GNAI1: variants seen among roughly 807,000 people sequenced by gnomAD.
GNAI1 encodes guanine nucleotide-binding protein G(i) subunit alpha-1.
GNAI1 carries 11 observed loss-of-function variants against 38.9 expected under a neutral mutation model. That is an observed-to-expected ratio of 0.28 (90% confidence interval 0.18 to 0.47). The LOEUF is 0.47. Among genes scored for constraint, GNAI1 ranks in the 20% least tolerant of loss-of-function variants. The pLI is 0.99. For synonymous variants in GNAI1, 166 were observed against 145.1 expected (o/e 1.14, Z -1.04); for missense variants, 317 against 436.9 (o/e 0.73, Z 2.45).
At chr7:80,163,304 C>T (rs1407677993) in intron 1 of GNAI1, among the ~76,000 whole-genome samples, 1 of 152,136 alleles carries the variant, frequency 6.6e-6, no homozygotes. Context: ...ACTACTAGCC[C>T]TTCTGTGGGT....
chr7:80,210,539 C>G (rs775878088), intron 5 of GNAI1, among the ~76,000 whole-genome samples: 1 of 152,118 alleles, frequency 6.6e-6, no homozygotes, highest in African/African-American at 2.4e-5. Flanking sequence ...GGTCTCTGTT[C>G]TCTGCCTTCA....
chr7:80,204,084 C>G (rs1337751653), intron 5 of GNAI1, among the ~76,000 whole-genome samples: 2 of 152,000 alleles, frequency 1.3e-5, no homozygotes, highest in South Asian at 2.1e-4. Context: ...TACAGTGATT[C>G]AAACAAAATA....
chr7:80,161,233 ATTTG>A (rs1051634175), intron 1 of GNAI1, among the ~76,000 whole-genome samples: 2 of 152,108 alleles, frequency 1.3e-5, no homozygotes, highest in Non-Finnish European at 2.9e-5. Flanking sequence ...TTATTACCTT[ATTTG>A]TTTCTCACAA....
At chr7:80,136,750 T>C (rs1787423323) in intron 1 of GNAI1, among the ~76,000 whole-genome samples, 1 of 152,234 alleles carries the variant, frequency 6.6e-6, no homozygotes, top group Non-Finnish European at 1.5e-5. Flanking sequence ...CCTGGTGTGA[T>C]ACGTTGTTTC....
At chr7:80,193,531 A>G (rs1468277542) in intron 3 of GNAI1, among the ~76,000 whole-genome samples, 1 of 152,168 alleles carries the variant, frequency 6.6e-6, no homozygotes, top group Non-Finnish European at 1.5e-5. Flanking sequence ...TAATATATTG[A>G]TAATTTAGGT....
At chr7:80,185,281 C>T (rs563262305) in intron 1 of GNAI1, among the ~76,000 whole-genome samples, 1 of 152,282 alleles carries the variant, frequency 6.6e-6, no homozygotes, top group Admixed American at 6.5e-5. Flanking sequence ...CTGAAAGTCA[C>T]ATAACACTGG....
intron 7 of GNAI1, among the ~76,000 whole-genome samples, chr7:80,214,116 C>T (rs1230155030): frequency 1.3e-5 from 2 of 152,066 alleles, no homozygotes; most frequent in Admixed American, 6.6e-5. Flanking sequence ...TCAGTGGAAC[C>T]AAAAGGGGAG....
At chr7:80,144,119 C>A (rs1787577264) in intron 1 of GNAI1, among the ~76,000 whole-genome samples, 1 of 151,994 alleles carries the variant, frequency 6.6e-6, no homozygotes, top group African/African-American at 2.4e-5. Context: ...GTTAAGAATT[C>A]TATAGAGAAT....
chr7:80,193,864 G>A lies in GNAI1; in HGVS notation c.303+4633G>A, dbSNP rs149907946. 5.9e-5 allele frequency among the ~76,000 whole-genome samples: 9 copies of A among 152,260 alleles called. No homozygotes were observed. In the East Asian group the frequency reaches 1.3e-3, roughly 23 times the overall value. On this transcript the variant is annotated intron_variant, in intron 3 of 7. Coordinates refer to ENST00000649796, the MANE Select transcript of GNAI1 (RefSeq NM_002069.6). ...GCAAATGAAATAAAACACAACACCG[G>A]TTCTTCATCACAGATAGCTTGAGAA...
intron 1 of GNAI1, among the ~76,000 whole-genome samples, chr7:80,167,707 A>G (rs1788035764): frequency 6.6e-6 from 1 of 152,196 alleles, no homozygotes; most frequent in South Asian, 2.1e-4. Flanking sequence ...TTCACTGTAC[A>G]TGCAAACTGC....
At chr7:80,174,730 G>T (rs1012874369) in intron 1 of GNAI1, among the ~76,000 whole-genome samples, 3 of 151,926 alleles carry the variant, frequency 2.0e-5, no homozygotes, top group African/African-American at 7.3e-5. Context: ...CTCTTGGATC[G>T]CATAAACCGA....
Position 80,221,737 on chromosome 7 carries a change from G to C in GNAI1, c.*4244G>C, listed in dbSNP as rs928848135. ...CACTCTCTGCAACCTCCAACTCCAT[G>C]GTTCAAGCAATTGTCCTGCCTCAGC... On this transcript the variant is annotated 3_prime_UTR_variant, in exon 8 of 8. Transcript: ENST00000649796. Among the ~76,000 whole-genome samples, 2 of 135,342 alleles carry C rather than the reference G, an allele frequency of 1.5e-5. No homozygotes were observed. The highest frequency in any genetic ancestry group is 3.0e-5 in the Non-Finnish European group (2 of 65,798). 88.8% of individuals were successfully genotyped at this position (135,342 alleles called of 152,430 possible).
At chr7:80,140,595 C>T (rs1237528496) in intron 1 of GNAI1, among the ~76,000 whole-genome samples, 3 of 152,168 alleles carry the variant, frequency 2.0e-5, no homozygotes, top group African/African-American at 7.2e-5. Flanking sequence ...CAGAGTATGA[C>T]ACAGTGAAGT....
chr7:80,164,274 C>T (rs1787975944), intron 1 of GNAI1, among the ~76,000 whole-genome samples: 1 of 151,722 alleles, frequency 6.6e-6, no homozygotes, highest in African/African-American at 2.4e-5. Flanking sequence ...CATCTCTTGA[C>T]CTCGTGAGCT....
chr7:80,149,777 G>C (rs1787692721), intron 1 of GNAI1, among the ~76,000 whole-genome samples: 1 of 152,056 alleles, frequency 6.6e-6, no homozygotes, highest in Admixed American at 6.6e-5. Context: ...GCCTTAAATT[G>C]TTGGCCCATG....
chr7:80,183,727 C>T (rs1314706472), intron 1 of GNAI1, among the ~76,000 whole-genome samples: 1 of 152,026 alleles, frequency 6.6e-6, no homozygotes, highest in Non-Finnish European at 1.5e-5. Context: ...ATTTCCTATG[C>T]TACCCCCAAC....
intron 1 of GNAI1, among the ~76,000 whole-genome samples, chr7:80,149,958 C>G (rs1787695560): frequency 6.6e-6 from 1 of 152,122 alleles, no homozygotes; most frequent in Non-Finnish European, 1.5e-5. Context: ...CCTACATACC[C>G]TAACAAAGTG....
At chr7:80,135,582 C>G (rs1453029791) in intron 1 of GNAI1, among the ~76,000 whole-genome samples, 2 of 147,992 alleles carry the variant, frequency 1.4e-5, no homozygotes, top group Non-Finnish European at 3.0e-5. Context: ...CGTGGAAACC[C>G]TTTGCTTTGA....
intron 1 of GNAI1, among the ~76,000 whole-genome samples, chr7:80,185,155 C>G (rs753681330): frequency 4.9e-4 from 75 of 151,974 alleles, no homozygotes; most frequent in Non-Finnish European, 1.0e-3. Context: ...CCATTTTTTT[C>G]TTTACAATAT....
Sources: gnomAD v4.1 joint callset for allele counts (sites outside exome capture counted in the v4.1 genomes callset) on GRCh38, gnomAD v4.1.1 for gene constraint, MANE v1.5 for transcripts, NCBI Gene and HGNC (gene_info 2026-07-23, HGNC 2026-07-21) for gene names.